FOXO3: variants seen among roughly 807,000 people sequenced by gnomAD.
FOXO3 encodes the protein forkhead box O3.
Under a neutral mutation model 41.9 loss-of-function variants are expected in FOXO3, and 4 were observed. That is an observed-to-expected ratio of 0.10 (90% CI 0.05 to 0.22). The LOEUF (loss-of-function observed/expected upper bound fraction) is 0.22, where lower values mean the gene tolerates loss of function less well. Among genes scored for constraint, FOXO3 ranks in the 10% least tolerant of loss-of-function variants. The probability of loss-of-function intolerance (pLI) is 1.00; values close to 1 mark genes in which losing one functional copy is unlikely to be tolerated. For synonymous variants in FOXO3, 318 were observed against 389.3 expected (o/e 0.82, Z 2.16); for missense variants, 534 against 906.8 (o/e 0.59, Z 5.28).
chr6:108,561,014 A>G lies in FOXO3; in HGVS notation c.-195A>G. 4 of 1,374,038 alleles carry G rather than the reference A, an allele frequency of 2.9e-6. No homozygotes were observed. In the South Asian group the frequency reaches 6.9e-5, roughly 24 times the overall value. 85.1% of individuals were successfully genotyped at this position (1,374,038 alleles called of 1,614,324 possible). On this transcript the variant is annotated 5_prime_UTR_variant, in exon 1 of 3. Coordinates refer to ENST00000406360, the MANE Select transcript of FOXO3 (RefSeq NM_001455.4). Reference sequence around the variant, plus strand: ...GACTGGGAGGTGGCGGCAGCGGGCGAGGACTCGCCGAGGACGGGGCTCCGG... The same window carrying G: ...GACTGGGAGGTGGCGGCAGCGGGCGGGGACTCGCCGAGGACGGGGCTCCGG...
At chr6:108,608,520 G>C (rs2128368571) in intron 1 of FOXO3, among the ~76,000 whole-genome samples, 1 of 152,236 alleles carries the variant, frequency 6.6e-6, no homozygotes, top group South Asian at 2.1e-4. Context: ...CTCTTTTCTG[G>C]TGCTACTGCA....
chr6:108,622,592 G>C (rs1189059640), intron 1 of FOXO3, among the ~76,000 whole-genome samples: 1 of 151,826 alleles, frequency 6.6e-6, no homozygotes, highest in Non-Finnish European at 1.5e-5. Flanking sequence ...TTCTGTTGTT[G>C]CTCCTTCCTC....
At chr6:108,575,346 C>A (rs1288126685) in intron 1 of FOXO3, among the ~76,000 whole-genome samples, 1 of 151,276 alleles carries the variant, frequency 6.6e-6, no homozygotes, top group Non-Finnish European at 1.5e-5. Context: ...TACCTTCCCC[C>A]CTTTTCTTCC....
chr6:108,606,102 G>A (rs1188172025), intron 1 of FOXO3, among the ~76,000 whole-genome samples: 1 of 152,166 alleles, frequency 6.6e-6, no homozygotes, highest in African/African-American at 2.4e-5. Flanking sequence ...TTTAAAAGAG[G>A]TGGGGCAGTA....
rs1484033672 is a variant in FOXO3, at chr6:108,681,457, C to G, written c.*1665C>G. On this transcript the variant is annotated 3_prime_UTR_variant, in exon 3 of 3. Transcript: ENST00000406360. Reference sequence around the variant, plus strand: ...GTGGGCACCAACACAGACGTGCCACCCAACCCCCTGCACACACCACCGGCC... The same window carrying G: ...GTGGGCACCAACACAGACGTGCCACGCAACCCCCTGCACACACCACCGGCC... 3 of 151,730 alleles carry G rather than the reference C, an allele frequency of 2.0e-5. No homozygotes were observed. In the East Asian group the frequency reaches 5.8e-4, roughly 29 times the overall value. The allele number at this position is 151,730 out of a possible 1,614,324, so 9.4% of individuals were successfully genotyped here. A position where few individuals can be genotyped will look rare whatever the true frequency, so the allele number is the denominator to read the frequency against.
At chr6:108,582,697 C>G (rs1330626341) in intron 1 of FOXO3, among the ~76,000 whole-genome samples, 1 of 151,272 alleles carries the variant, frequency 6.6e-6, no homozygotes, top group Non-Finnish European at 1.5e-5. Context: ...TATTTTTTCT[C>G]TTGTTTTTGA....
intron 1 of FOXO3, among the ~76,000 whole-genome samples, chr6:108,633,510 C>T (rs1193029698): frequency 6.6e-6 from 1 of 152,088 alleles, no homozygotes; most frequent in Non-Finnish European, 1.5e-5. Flanking sequence ...GTGGCATTTC[C>T]TGCATGAAAA....
At chr6:108,611,563 A>G (rs1386227159) in intron 1 of FOXO3, among the ~76,000 whole-genome samples, 1 of 152,180 alleles carries the variant, frequency 6.6e-6, no homozygotes, top group Non-Finnish European at 1.5e-5. Flanking sequence ...TCCATTGTAT[A>G]ATGTAGTGGT....
intron 1 of FOXO3, among the ~76,000 whole-genome samples, chr6:108,594,358 T>G (rs1776815249): frequency 6.6e-6 from 1 of 152,234 alleles, no homozygotes; most frequent in Non-Finnish European, 1.5e-5. Context: ...GATTTCATAC[T>G]CCTAAGGTTT....
At chr6:108,622,310 T>C (rs964213755) in intron 1 of FOXO3, among the ~76,000 whole-genome samples, 4 of 150,624 alleles carry the variant, frequency 2.7e-5, no homozygotes, top group South Asian at 4.2e-4. Context: ...TAAGTTCCTC[T>C]TGGAGAGCTG....
intron 1 of FOXO3, among the ~76,000 whole-genome samples, chr6:108,593,008 G>C (rs1776770717): frequency 6.6e-6 from 1 of 152,170 alleles, no homozygotes. Context: ...AATTTAGTGA[G>C]CAGTTTGAAC....
chr6:108,655,960 G>A (rs563804557), intron 1 of FOXO3, among the ~76,000 whole-genome samples: 4 of 152,206 alleles, frequency 2.6e-5, no homozygotes, highest in African/African-American at 4.8e-5. Context: ...CACAAAGTGG[G>A]TGAGCACTGT....
rs778713473 is a variant in FOXO3 at position 108,561,522 on chromosome 6, G to T, written c.314G>T (p.Gly105Val). 40 of 1,444,290 alleles carry T rather than the reference G, an allele frequency of 2.8e-5. No homozygotes were observed. In the Admixed American group the frequency reaches 1.1e-3, roughly 40 times the overall value. The allele number at this position is 1,444,290 out of a possible 1,614,324, so 89.5% of individuals were successfully genotyped here. A position where few individuals can be genotyped will look rare whatever the true frequency, so the allele number is the denominator to read the frequency against. The change falls in exon 1 of 3, where the codon GGG (glycine) becomes GTG (valine). Residue 105 changes from glycine to valine, a missense_variant. Coordinates refer to ENST00000406360, the MANE Select transcript of FOXO3 (RefSeq NM_001455.4). The part of the protein sequence containing the change: ...EDSARVLAPG[G>V]QDPGSGPATA... The stretch of plus-strand genomic sequence containing the variant: ...TCGGCCCGGGTGCTGGCACCCGGAG[G>T]GCAAGACCCCGGGTCTGGGCCAGCC...
chr6:108,637,846 T>G (rs1778158838), intron 1 of FOXO3, among the ~76,000 whole-genome samples: 1 of 152,220 alleles, frequency 6.6e-6, no homozygotes. Flanking sequence ...TGACATATTT[T>G]AGAAGGTAGC....
chr6:108,565,332 G>A lies in FOXO3; in HGVS notation c.621+3503G>A, dbSNP rs530789062. ...ACTATCTCACAGGTTCCCTTACCTC[G>A]GGCATTAAAGTAGAAATGAACAATC... On this transcript the variant is annotated intron_variant, in intron 1 of 2. Coordinates refer to ENST00000406360, the MANE Select transcript of FOXO3 (RefSeq NM_001455.4). Among the ~76,000 whole-genome samples, 9 of 152,222 alleles carry A rather than the reference G, an allele frequency of 5.9e-5. No homozygotes were observed. In the South Asian group the frequency reaches 1.0e-3, roughly 18 times the overall value.
intron 1 of FOXO3, among the ~76,000 whole-genome samples, chr6:108,598,289 TTCA>T (rs1302146489): frequency 6.6e-6 from 1 of 152,208 alleles, no homozygotes; most frequent in Non-Finnish European, 1.5e-5. Flanking sequence ...TGGTAGTTTC[TTCA>T]TCAACTTGAG....
intron 1 of FOXO3, among the ~76,000 whole-genome samples, chr6:108,584,440 A>T (rs1256405186): frequency 6.6e-6 from 1 of 152,178 alleles, no homozygotes; most frequent in African/African-American, 2.4e-5. Context: ...GAAAAGTGAT[A>T]AAAAAACAGA....
intron 1 of FOXO3, among the ~76,000 whole-genome samples, chr6:108,607,352 A>C (rs1777235565): frequency 6.6e-6 from 1 of 150,934 alleles, no homozygotes; most frequent in African/African-American, 2.4e-5. Context: ...TGGGAGGCTG[A>C]GGCAGGAGAA....
intron 1 of FOXO3, among the ~76,000 whole-genome samples, chr6:108,577,155 T>C (rs995258236): frequency 6.6e-6 from 1 of 151,944 alleles, no homozygotes; most frequent in Non-Finnish European, 1.5e-5. Context: ...TTTAAATGAT[T>C]TGTGAAAAGT....
Sources: gnomAD v4.1 joint callset for allele counts (sites outside exome capture counted in the v4.1 genomes callset) on GRCh38, gnomAD v4.1.1 for gene constraint, MANE v1.5 for transcripts, NCBI Gene and HGNC (gene_info 2026-07-23, HGNC 2026-07-21) for gene names.